Variants in SWAP70 observed in about 807,000 individuals in gnomAD.
SWAP70 encodes switching B cell complex subunit SWAP70.
In SWAP70, 34 loss-of-function variants were observed where a neutral mutation model predicts 80.2. The ratio of observed to expected loss-of-function variants is 0.42; its 90% CI spans 0.32 to 0.56. The LOEUF is 0.56. SWAP70 is among the 20% of genes least tolerant of loss of function. The pLI is 0.09. For synonymous variants in SWAP70, 239 were observed against 238.5 expected (o/e 1.00, Z -0.02); for missense variants, 578 against 690.7 (o/e 0.84, Z 1.83).
At chr11:9,716,088 CT>C (rs1851062673) in intron 3 of SWAP70, among the ~76,000 whole-genome samples, 1 of 152,144 alleles carries the variant, frequency 6.6e-6, no homozygotes, top group Non-Finnish European at 1.5e-5. Flanking sequence ...GATACATGTC[CT>C]TTCTTACTGG....
chr11:9,717,358 G>T (rs1851078925), intron 3 of SWAP70, among the ~76,000 whole-genome samples: 1 of 152,196 alleles, frequency 6.6e-6, no homozygotes, highest in Non-Finnish European at 1.5e-5. Flanking sequence ...TTTAGGCTAA[G>T]TGTGCTGGCT....
chr11:9,735,297 A>G (rs1851349087), intron 7 of SWAP70, among the ~76,000 whole-genome samples: 1 of 152,136 alleles, frequency 6.6e-6, no homozygotes, highest in Non-Finnish European at 1.5e-5. Context: ...ATTTCACTTA[A>G]TATATTTTTT....
chr11:9,715,259 A>G (rs915266893), intron 3 of SWAP70, among the ~76,000 whole-genome samples: 3 of 152,146 alleles, frequency 2.0e-5, no homozygotes, highest in African/African-American at 7.2e-5. Flanking sequence ...GATTACAGGC[A>G]TGAGCTACTG....
chr11:9,688,583 A>T (rs1313095542), intron 1 of SWAP70, among the ~76,000 whole-genome samples: 5 of 152,156 alleles, frequency 3.3e-5, no homozygotes, highest in African/African-American at 1.2e-4. Context: ...GGAGTGACTT[A>T]AATATACAAC....
rs146704553 is a variant in SWAP70, at chr11:9,715,669, C to G, written c.414+2030C>G. On this transcript the variant is annotated intron_variant, in intron 3 of 11. Coordinates refer to ENST00000318950, the MANE Select transcript of SWAP70 (RefSeq NM_015055.4). ...AGAGAAGAGAGCTTGTGCAGGGAAA[C>G]TCTCCTTTATAAAGCCATCAGATCT... 7.6e-3 allele frequency among the ~76,000 whole-genome samples: 1,157 copies of G among 152,312 alleles called. 6 individuals carry two copies. The highest frequency in any genetic ancestry group is 0.011 in the South Asian group (55 of 4,830).
rs181445547 is a variant in SWAP70, at chr11:9,723,600, C to T, written c.415-1058C>T. Among the ~76,000 whole-genome samples the T allele has an allele frequency of 2.3e-3, 342 of 151,976 alleles. 3 individuals carry two copies. The highest frequency in any genetic ancestry group is 7.9e-3 in the African/African-American group (329 of 41,418). On this transcript the variant is annotated intron_variant, in intron 3 of 11. Transcript: ENST00000318950. The stretch of plus-strand genomic sequence containing the variant: ...TTCCTAATGGAAATCAATAATACAG[C>T]GGGGAAGCCATTTGGAAAGTAGAGA...
intron 2 of SWAP70, among the ~76,000 whole-genome samples, chr11:9,710,868 C>T (rs1850988405): frequency 6.6e-6 from 1 of 151,634 alleles, no homozygotes; most frequent in Non-Finnish European, 1.5e-5. Context: ...ATTATTTGTA[C>T]AGACCGGGTC....
chr11:9,671,240 A>G (rs1251813348), intron 1 of SWAP70, among the ~76,000 whole-genome samples: 1 of 87,206 alleles, frequency 1.1e-5, no homozygotes, highest in African/African-American at 5.1e-5. Context: ...ATATATTTAT[A>G]AATATAAATA....
chr11:9,719,792 A>T (rs1363844969), intron 3 of SWAP70, among the ~76,000 whole-genome samples: 1 of 152,220 alleles, frequency 6.6e-6, no homozygotes, highest in Non-Finnish European at 1.5e-5. Flanking sequence ...ACAAAACAGG[A>T]TGTGTCTCTT....
intron 1 of SWAP70, among the ~76,000 whole-genome samples, chr11:9,671,577 AAT>A (rs1850394443): frequency 5.9e-5 from 3 of 51,116 alleles, no homozygotes; most frequent in African/African-American, 2.2e-4. Flanking sequence ...TTTATATAGA[AAT>A]ATATTTCTAT....
intron 1 of SWAP70, among the ~76,000 whole-genome samples, chr11:9,675,394 AGAGAGAGAGAGAG>A (rs1565111771): frequency 1.4e-4 from 16 of 113,760 alleles, no homozygotes; most frequent in African/African-American, 1.8e-4. Context: ...AGAGAGAGAG[AGAGAGAGAGAGAG>A]AGAGAGAGAG....
intron 4 of SWAP70, 46 bp from the exon 5 acceptor site, chr11:9,728,007 T>TA (rs767252252): frequency 6.6e-7 from 1 of 1,523,776 alleles, no homozygotes; most frequent in Non-Finnish European, 8.8e-7. Flanking sequence ...TGTCAGCTCT[T>TA]ACAAATAAAA....
chr11:9,678,859 G>A (rs1850533798), intron 1 of SWAP70, among the ~76,000 whole-genome samples: 1 of 151,912 alleles, frequency 6.6e-6, no homozygotes, highest in South Asian at 2.1e-4. Flanking sequence ...TCCCTCTTAG[G>A]CATGTCCTTG....
chr11:9,738,156 T>G, intron 7 of SWAP70, 57 bp from the exon 8 acceptor site: 1 of 1,256,892 alleles, frequency 8.0e-7, no homozygotes. Flanking sequence ...CTCTCTCTCT[T>G]TAATGTACTT....
chr11:9,728,830 A>G (rs1031416540), intron 5 of SWAP70, among the ~76,000 whole-genome samples: 10 of 152,186 alleles, frequency 6.6e-5, no homozygotes, highest in African/African-American at 1.9e-4. Flanking sequence ...ATGCCCATGA[A>G]GGAGTCTGCT....
intron 1 of SWAP70, among the ~76,000 whole-genome samples, chr11:9,691,116 C>T (rs1307637406): frequency 6.6e-6 from 1 of 152,130 alleles, no homozygotes; most frequent in Admixed American, 6.6e-5. Context: ...TGGGGTTTTG[C>T]CATGTTGTCC....
intron 2 of SWAP70, among the ~76,000 whole-genome samples, chr11:9,711,765 C>T (rs1029635478): frequency 2.0e-5 from 3 of 152,110 alleles, no homozygotes; most frequent in African/African-American, 7.2e-5. Flanking sequence ...AATTTCAGAG[C>T]CTAGATTTTT....
intron 4 of SWAP70, among the ~76,000 whole-genome samples, 174 bp from the exon 5 acceptor site, chr11:9,727,879 T>C (rs948160746): frequency 1.3e-5 from 2 of 152,210 alleles, no homozygotes; most frequent in Admixed American, 1.3e-4. Context: ...TGGTTATGCT[T>C]GCATGACTAG....
chr11:9,691,506 T>C (rs1850697400), intron 1 of SWAP70, among the ~76,000 whole-genome samples: 1 of 152,164 alleles, frequency 6.6e-6, no homozygotes, highest in South Asian at 2.1e-4. Context: ...TTAACAAGAG[T>C]GCTGTTTAAT....
Sources: allele counts gnomAD v4.1 joint callset (sites outside exome capture counted in the v4.1 genomes callset), GRCh38; gene constraint gnomAD v4.1.1; transcripts MANE v1.5; gene names NCBI Gene and HGNC (gene_info 2026-07-23, HGNC 2026-07-21).